The following PTPRS variants were observed in gnomAD, a reference collection of about 807,000 sequenced individuals.
PTPRS encodes receptor-type tyrosine-protein phosphatase S.
Under a neutral mutation model 215.3 loss-of-function variants are expected in PTPRS, and 63 were observed. That is an observed-to-expected ratio of 0.29 (90% CI 0.24 to 0.36). The LOEUF (loss-of-function observed/expected upper bound fraction) is 0.36, where lower values mean the gene tolerates loss of function less well. Ranked by LOEUF, PTPRS falls within the 10% of genes least tolerant of loss-of-function variation. PTPRS has a pLI of 1.00. For synonymous variants in PTPRS, 1,404 were observed against 1,191.4 expected (o/e 1.18, Z -3.68); for missense variants, 2,258 against 2,825.8 (o/e 0.80, Z 4.56).
At chr19:5,322,492 C>A (rs899677863) in intron 1 of PTPRS, among the ~76,000 whole-genome samples, 1 of 152,004 alleles carries the variant, frequency 6.6e-6, no homozygotes, top group Non-Finnish European at 1.5e-5. Context: ...CCGACTCGAG[C>A]CCGCCCCGAC....
At chr19:5,252,808 G>A (rs2045242154) in intron 9 of PTPRS, among the ~76,000 whole-genome samples, 1 of 149,508 alleles carries the variant, frequency 6.7e-6, no homozygotes, top group Non-Finnish European at 1.5e-5. Context: ...AGGAGGAGGA[G>A]GTTGCAGTGA....
chr19:5,329,347 C>T (rs1170169892), intron 1 of PTPRS, among the ~76,000 whole-genome samples: 1 of 152,196 alleles, frequency 6.6e-6, no homozygotes, highest in Non-Finnish European at 1.5e-5. Flanking sequence ...AAAACACATC[C>T]TGGCCGATAA....
chr19:5,291,916 C>T (rs1290551250), intron 1 of PTPRS, among the ~76,000 whole-genome samples: 3 of 152,116 alleles, frequency 2.0e-5, no homozygotes, highest in Admixed American at 1.3e-4. Flanking sequence ...TGATCCCCCC[C>T]ACTTGTGGCC....
At chr19:5,233,200 G>C (rs1175927390) in intron 13 of PTPRS, among the ~76,000 whole-genome samples, 1 of 150,500 alleles carries the variant, frequency 6.6e-6, no homozygotes, top group African/African-American at 2.5e-5. Flanking sequence ...ACACCTATGT[G>C]CCAGGCACCG....
At position 5,295,901 on chromosome 19, in the gene PTPRS, C is replaced by T. The variant is rs780596409; in HGVS notation, c.-94-9667G>A. Among the ~76,000 whole-genome samples, 2 of 152,162 alleles carry T rather than the reference C, an allele frequency of 1.3e-5. No homozygotes were observed. The highest frequency in any genetic ancestry group is 2.9e-5 in the Non-Finnish European group (2 of 68,036). ...TCCTGAGTAGCTTGGACTACAGGCA[C>T]ATGCCACCACGTCTGGCTAATTTTT... is the stretch of plus-strand genomic sequence containing the variant. On this transcript the variant is annotated intron_variant, in intron 1 of 37. Transcript: ENST00000262963. The surrounding 1 kb of genome is among the most constrained non-coding windows in gnomAD (Gnocchi z 4.6).
chr19:5,212,699 T>C (rs1022232336), intron 30 of PTPRS, among the ~76,000 whole-genome samples: 4 of 152,054 alleles, frequency 2.6e-5, no homozygotes, highest in Non-Finnish European at 5.9e-5. Context: ...CAAAATTAGC[T>C]AGGCATGGTG....
intron 13 of PTPRS, among the ~76,000 whole-genome samples, chr19:5,235,122 A>T (rs2043334222): frequency 6.6e-6 from 1 of 151,704 alleles, no homozygotes; most frequent in Non-Finnish European, 1.5e-5. Context: ...TTGTATTTTT[A>T]GGGGAGACGG....
At chr19:5,297,248 A>G (rs2049164336) in intron 1 of PTPRS, among the ~76,000 whole-genome samples, 2 of 152,310 alleles carry the variant, frequency 1.3e-5, no homozygotes, top group South Asian at 4.1e-4. Context: ...GTTGGGGGGT[A>G]ATTTTTTTCA....
At chr19:5,218,839 A>C in intron 23 of PTPRS, 41 bp from the exon 24 acceptor site, 1 of 1,570,704 alleles carries the variant, frequency 6.4e-7, no homozygotes, top group Non-Finnish European at 8.6e-7. Flanking sequence ...GGGGAAAAAA[A>C]GAAGAAAGGT....
chr19:5,228,209 G>C (rs2042673728), intron 16 of PTPRS, among the ~76,000 whole-genome samples: 1 of 151,830 alleles, frequency 6.6e-6, no homozygotes, highest in Non-Finnish European at 1.5e-5. Context: ...GCCAGGACCA[G>C]TGGCTCATGC....
At chr19:5,334,338 T>C (rs1327513004) in intron 1 of PTPRS, among the ~76,000 whole-genome samples, 1 of 152,148 alleles carries the variant, frequency 6.6e-6, no homozygotes, top group African/African-American at 2.4e-5. Context: ...TCAAAAATAA[T>C]AACAAAAACA....
intron 1 of PTPRS, among the ~76,000 whole-genome samples, chr19:5,300,737 C>T (rs1482338489): frequency 1.5e-5 from 2 of 133,048 alleles, no homozygotes; most frequent in African/African-American, 5.6e-5. Flanking sequence ...CACTGCACTC[C>T]AGCCTGGGTG....
intron 1 of PTPRS, among the ~76,000 whole-genome samples, chr19:5,331,882 G>C (rs1429400046): frequency 1.3e-5 from 2 of 152,182 alleles, no homozygotes. Context: ...CGCGGACGCT[G>C]GCCCAGGCCC....
At chr19:5,241,899 G>A (rs1160603281) in intron 11 of PTPRS, among the ~76,000 whole-genome samples, 1 of 151,882 alleles carries the variant, frequency 6.6e-6, no homozygotes. Flanking sequence ...GCAGTGGCAC[G>A]ATCTCAGCTC....
intron 17 of PTPRS, 91 bp downstream of exon 17, chr19:5,225,636 C>T: frequency 1.8e-6 from 2 of 1,122,986 alleles, no homozygotes; most frequent in Non-Finnish European, 2.7e-6. Context: ...CCTCTGCCTG[C>T]CCTTGTGAGC....
At chr19:5,217,371 A>G (rs1431264133) in intron 25 of PTPRS, among the ~76,000 whole-genome samples, 2 of 152,182 alleles carry the variant, frequency 1.3e-5, no homozygotes, top group African/African-American at 4.8e-5. Flanking sequence ...TGGCTGAAAA[A>G]CCAAAGCAAC....
intron 1 of PTPRS, among the ~76,000 whole-genome samples, chr19:5,337,955 C>T (rs1314685062): frequency 1.3e-5 from 2 of 152,106 alleles, no homozygotes; most frequent in Non-Finnish European, 2.9e-5. Context: ...TTTGAATGTC[C>T]CCTTCTCTGT....
At chr19:5,234,442 A>G (rs1417338838) in intron 13 of PTPRS, among the ~76,000 whole-genome samples, 2 of 152,188 alleles carry the variant, frequency 1.3e-5, no homozygotes, top group African/African-American at 2.4e-5. Context: ...AAATCTTTAA[A>G]GATCACAGCA....
At chr19:5,221,625 A>C (rs2041985157) in intron 19 of PTPRS, among the ~76,000 whole-genome samples, 1 of 151,944 alleles carries the variant, frequency 6.6e-6, no homozygotes, top group African/African-American at 2.4e-5. Context: ...GTGGAAACCC[A>C]CCTCTGAGAC....
Sources: allele counts gnomAD v4.1 joint callset (sites outside exome capture counted in the v4.1 genomes callset), GRCh38; gene constraint gnomAD v4.1.1; non-coding constraint Gnocchi (gnomAD v3.1); transcripts MANE v1.5; gene names NCBI Gene and HGNC (gene_info 2026-07-23, HGNC 2026-07-21).